QTMAN: variants seen among roughly 807,000 people sequenced by gnomAD.
QTMAN encodes queuosine-tRNA mannosyltransferase.
the QTMAN span, among the ~76,000 whole-genome samples, chr2:144,282,863 A>G: frequency 3.3e-5 from 5 of 152,150 alleles, no homozygotes; most frequent in Non-Finnish European, 7.4e-5. Context: ...GGGAATAGAT[A>G]ATGAGTTAAT....
At chr2:144,110,887 T>C in the QTMAN span, among the ~76,000 whole-genome samples, 93 of 152,306 alleles carry the variant, frequency 6.1e-4, no homozygotes, top group African/African-American at 2.2e-3. Context: ...CTTAAGTCTC[T>C]GATTCTCACA....
At chr2:144,173,909 T>C in the QTMAN span, among the ~76,000 whole-genome samples, 3 of 152,252 alleles carry the variant, frequency 2.0e-5, no homozygotes, top group South Asian at 6.2e-4. Flanking sequence ...CTTGCTCTTC[T>C]CTCAACATGT....
the QTMAN span, among the ~76,000 whole-genome samples, chr2:144,296,660 C>T: frequency 6.6e-6 from 1 of 152,002 alleles, no homozygotes; most frequent in Admixed American, 6.6e-5. Flanking sequence ...GAAAAATTAC[C>T]CCGATTTCTG....
chr2:144,146,021 CG>C, the QTMAN span: 1 of 157,392 alleles, frequency 6.4e-6, no homozygotes, highest in Non-Finnish European at 1.1e-5. Context: ...AAAAAAAAGC[CG>C]GATGGATTTT....
chr2:144,004,654 C>T, the QTMAN span, among the ~76,000 whole-genome samples: 1 of 151,902 alleles, frequency 6.6e-6, no homozygotes, highest in African/African-American at 2.4e-5. Context: ...TGATTGCTAC[C>T]CCTGTAGCTA....
the QTMAN span, among the ~76,000 whole-genome samples, chr2:144,331,622 A>C: frequency 6.6e-6 from 1 of 152,202 alleles, no homozygotes; most frequent in African/African-American, 2.4e-5. Context: ...CACAGTTGTC[A>C]GAAGACTCTA....
the QTMAN span, among the ~76,000 whole-genome samples, chr2:144,075,641 G>C: frequency 6.6e-6 from 1 of 152,226 alleles, no homozygotes; most frequent in African/African-American, 2.4e-5. Context: ...ATGGCTAAGA[G>C]AGAAGTGCTG....
the QTMAN span, among the ~76,000 whole-genome samples, chr2:144,027,727 C>T: frequency 4.6e-5 from 7 of 152,212 alleles, no homozygotes; most frequent in South Asian, 2.1e-4. Context: ...TAAACACACA[C>T]GCACACCCAG....
chr2:144,045,264 T>C, the QTMAN span, among the ~76,000 whole-genome samples: 3 of 152,150 alleles, frequency 2.0e-5, no homozygotes, highest in East Asian at 1.9e-4. Flanking sequence ...TCAGGAAAAA[T>C]AGAATGTTGA....
At chr2:144,204,789 T>A in the QTMAN span, among the ~76,000 whole-genome samples, 1 of 152,062 alleles carries the variant, frequency 6.6e-6, no homozygotes, top group East Asian at 1.9e-4. Flanking sequence ...GTGGCACACA[T>A]ACACCATGGA....
chr2:144,022,163 G>T, the QTMAN span, among the ~76,000 whole-genome samples: 1 of 152,006 alleles, frequency 6.6e-6, no homozygotes, highest in African/African-American at 2.4e-5. Flanking sequence ...TGGAAATATT[G>T]TGCAAAAATC....
At chr2:144,108,063 G>A in the QTMAN span, among the ~76,000 whole-genome samples, 1 of 152,120 alleles carries the variant, frequency 6.6e-6, no homozygotes, top group Admixed American at 6.5e-5. Context: ...AGCCCTTCAT[G>A]CTAAAAACTC....
chr2:144,210,649 T>C, the QTMAN span, among the ~76,000 whole-genome samples: 4 of 152,228 alleles, frequency 2.6e-5, no homozygotes, highest in South Asian at 6.2e-4. Context: ...TCTAATAAGG[T>C]AGTGTTCAAT....
At chr2:144,004,220 A>G in the QTMAN span, among the ~76,000 whole-genome samples, 4 of 152,038 alleles carry the variant, frequency 2.6e-5, no homozygotes, top group Non-Finnish European at 5.9e-5. Flanking sequence ...AAGAATATGT[A>G]AAGTACAAGG....
At chr2:144,268,852 C>T in the QTMAN span, among the ~76,000 whole-genome samples, 21 of 152,214 alleles carry the variant, frequency 1.4e-4, no homozygotes, top group Middle Eastern at 3.4e-3. Flanking sequence ...TGCAATGGCA[C>T]GATCTCGGCT....
chr2:143,991,926 C>T, the QTMAN span, among the ~76,000 whole-genome samples: 70 of 146,270 alleles, frequency 4.8e-4, no homozygotes, highest in Non-Finnish European at 1.4e-4. Flanking sequence ...GTCAGCCCCC[C>T]GCCCGGCCAG....
At chr2:143,954,475 G>A in the QTMAN span, among the ~76,000 whole-genome samples, 1 of 151,896 alleles carries the variant, frequency 6.6e-6, no homozygotes, top group African/African-American at 2.4e-5. Context: ...GTACCATGCC[G>A]TTTCCAAAAA....
chr2:144,204,394 T>G, the QTMAN span, among the ~76,000 whole-genome samples: 8 of 152,114 alleles, frequency 5.3e-5, no homozygotes, highest in African/African-American at 1.7e-4. Context: ...GTGAAAAAAT[T>G]CTCATCATCA....
the QTMAN span, among the ~76,000 whole-genome samples, chr2:144,223,265 CA>C: frequency 1.9e-4 from 29 of 149,680 alleles, no homozygotes; most frequent in Middle Eastern, 6.9e-3. Context: ...TTCTAGAAAA[CA>C]AAAAAAAACT....
Sources: gnomAD v4.1 joint callset for allele counts (sites outside exome capture counted in the v4.1 genomes callset) on GRCh38, gnomAD v4.1.1 for gene constraint, MANE v1.5 for transcripts, NCBI Gene and HGNC (gene_info 2026-07-23, HGNC 2026-07-21) for gene names.